Variants in KRABD4 observed in about 807,000 individuals in gnomAD.
The protein encoded by KRABD4 is KRAB domain-containing protein 4.
chrX:46,471,277 T>C, the KRABD4 span: 3 of 919,415 alleles, frequency 3.3e-6, no homozygotes, highest in African/African-American at 6.0e-5. Flanking sequence ...AAATCCTTCT[T>C]GTTCTGAAGT....
chrX:46,460,907 C>T, the KRABD4 span, among the ~76,000 whole-genome samples: 1 of 100,738 alleles, frequency 9.9e-6, no homozygotes, highest in South Asian at 4.8e-4. Context: ...ATGAAATTCC[C>T]AACCTTCTAA....
At chrX:46,455,231 C>A in the KRABD4 span, 13 of 1,085,959 alleles carry the variant, frequency 1.2e-5, no homozygotes, top group African/African-American at 1.8e-5. Flanking sequence ...GATTTTAATT[C>A]TTAGAGCACC....
the KRABD4 span, chrX:46,462,731 G>C: frequency 8.3e-7 from 1 of 1,209,100 alleles, no homozygotes; most frequent in African/African-American, 1.8e-5. Context: ...GTGCTAAAGA[G>C]GAATGTGCCA....
chrX:46,456,971 C>A, the KRABD4 span: 1 of 266,597 alleles, frequency 3.8e-6, no homozygotes, highest in Non-Finnish European at 6.9e-6. Flanking sequence ...GCTTAATAAC[C>A]CATTCCCTGA....
At chrX:46,460,662 C>G in the KRABD4 span, among the ~76,000 whole-genome samples, 4 of 92,319 alleles carry the variant, frequency 4.3e-5, no homozygotes, top group African/African-American at 2.2e-4. Flanking sequence ...TGCTCTGTCC[C>G]CCATGCTGGA....
the KRABD4 span, chrX:46,474,426 A>G: frequency 9.0e-6 from 1 of 111,265 alleles, no homozygotes; most frequent in Non-Finnish European, 1.9e-5. Context: ...TACTATTCAC[A>G]GTTTCAGGCA....
At chrX:46,462,563 G>T in the KRABD4 span, 1 of 719,344 alleles carries the variant, frequency 1.4e-6, no homozygotes. Context: ...AGACCGTGTG[G>T]ATTCGACTCC....
the KRABD4 span, among the ~76,000 whole-genome samples, chrX:46,458,985 T>C: frequency 4.3e-5 from 4 of 92,423 alleles, no homozygotes; most frequent in Admixed American, 2.5e-4. Flanking sequence ...TGGGATACTT[T>C]TGTCTAAGTG....
the KRABD4 span, among the ~76,000 whole-genome samples, chrX:46,459,275 C>T: frequency 2.9e-5 from 3 of 102,626 alleles, no homozygotes; most frequent in South Asian, 4.5e-4. Context: ...GATAGTGCCA[C>T]GGCACTCCAG....
chrX:46,456,710 G>A, the KRABD4 span: 29 of 276,261 alleles, frequency 1.0e-4, no homozygotes, highest in African/African-American at 7.7e-4. Flanking sequence ...AAATATTAGG[G>A]GTTGCCAGGG....
At chrX:46,455,011 A>AAAGAGT in the KRABD4 span, 1 of 325,648 alleles carries the variant, frequency 3.1e-6, no homozygotes, top group African/African-American at 2.7e-5. Flanking sequence ...AGTCTTACTT[A>AAAGAGT]CTTCATTGTC....
At chrX:46,465,322 C>T in the KRABD4 span, among the ~76,000 whole-genome samples, 1 of 111,733 alleles carries the variant, frequency 8.9e-6, no homozygotes, top group Non-Finnish European at 1.9e-5. Flanking sequence ...TTGTTTTGGA[C>T]CTGGGCAGAG....
the KRABD4 span, chrX:46,471,101 G>C: frequency 8.7e-7 from 1 of 1,151,348 alleles, no homozygotes; most frequent in Non-Finnish European, 1.2e-6. Flanking sequence ...AAGTGTTGAA[G>C]TCTCCAACAA....
the KRABD4 span, among the ~76,000 whole-genome samples, chrX:46,459,324 A>G: frequency 7.0e-5 from 3 of 42,560 alleles, no homozygotes; most frequent in Admixed American, 2.5e-4. Flanking sequence ...AAAAAAAAAA[A>G]GAAAAAAAAA....
the KRABD4 span, among the ~76,000 whole-genome samples, chrX:46,465,404 G>T: frequency 8.9e-6 from 1 of 112,735 alleles, no homozygotes; most frequent in Non-Finnish European, 1.9e-5. Context: ...AGCCTGGGCT[G>T]GAATTCTGGC....
chrX:46,456,213 C>G, the KRABD4 span: 1 of 118,761 alleles, frequency 8.4e-6, no homozygotes, highest in South Asian at 3.4e-4. Context: ...TGATGAGGTA[C>G]TGAGTGGGAT....
the KRABD4 span, among the ~76,000 whole-genome samples, chrX:46,453,813 G>T: frequency 3.6e-5 from 4 of 111,843 alleles, no homozygotes; most frequent in Non-Finnish European, 3.8e-5. Context: ...GGCAAGAAAT[G>T]ATCATTCATT....
At chrX:46,450,311 C>T in the KRABD4 span, 1 of 397,868 alleles carries the variant, frequency 2.5e-6, no homozygotes, top group South Asian at 7.9e-5. Flanking sequence ...CAGGCTGGAG[C>T]TACCAGGTCA....
chrX:46,449,904 TA>T, the KRABD4 span, among the ~76,000 whole-genome samples: 1 of 111,393 alleles, frequency 9.0e-6, no homozygotes, highest in Non-Finnish European at 1.9e-5. Flanking sequence ...TAGCAGGGAC[TA>T]CAGGTATGTG....
Sources: gnomAD v4.1 joint callset for allele counts (sites outside exome capture counted in the v4.1 genomes callset) on GRCh38, gnomAD v4.1.1 for gene constraint, MANE v1.5 for transcripts, NCBI Gene and HGNC (gene_info 2026-07-23, HGNC 2026-07-21) for gene names.